GET4: variants seen among roughly 807,000 people sequenced by gnomAD.
GET4 encodes the protein Golgi to ER traffic protein 4 homolog.
In GET4, 20 loss-of-function variants were observed where a neutral mutation model predicts 40.0. The observed-to-expected ratio is 0.50, with a 90% CI of 0.35 to 0.73. The LOEUF (loss-of-function observed/expected upper bound fraction) is 0.73, where lower values mean the gene tolerates loss of function less well. GET4 is among the 30% of genes least tolerant of loss of function. The pLI is 0.01. For missense variants in GET4, 557 were observed against 454.0 expected (o/e 1.23, Z -2.06); for synonymous variants, 280 against 194.6 (o/e 1.44, Z -3.65).
intron 1 of GET4, 47 bp from the exon 2 acceptor site, chr7:886,009 G>A: frequency 9.0e-7 from 1 of 1,117,228 alleles, no homozygotes; most frequent in Non-Finnish European, 1.4e-6. Flanking sequence ...GGGGAGCGCG[G>A]TGGCGAGGGC....
At chr7:878,831 G>T (rs532254609) in intron 1 of GET4, among the ~76,000 whole-genome samples, 1 of 152,150 alleles carries the variant, frequency 6.6e-6, no homozygotes, top group Non-Finnish European at 1.5e-5. Context: ...CGCCCACCTC[G>T]GCCACCCAAA....
intron 1 of GET4, among the ~76,000 whole-genome samples, chr7:878,811 C>G (rs989733472): frequency 2.0e-5 from 3 of 152,204 alleles, no homozygotes; most frequent in African/African-American, 4.8e-5. Flanking sequence ...GAACTCCTGA[C>G]CTCGCGATCC....
Position 893,890 on chromosome 7 carries a change from G to A in GET4, c.823-9G>A. ...CACCCCCTCTGAGCCCGCTGCCTGTGCCTTGCAGTACCTCGACCGCATAGG... is the reference window on the plus strand; with the variant it reads ...CACCCCCTCTGAGCCCGCTGCCTGTACCTTGCAGTACCTCGACCGCATAGG... On this transcript the variant is annotated splice_polypyrimidine_tract_variant and intron_variant, in intron 7 of 8. Transcript: ENST00000265857. 2.5e-6 allele frequency: 4 copies of A among 1,612,474 alleles called. No homozygotes were observed. Among genetic ancestry groups the A allele is most frequent in the African/African-American group, 1.3e-5 (1 of 75,008 alleles).
Position 895,412 on chromosome 7 carries a change from A to G in GET4, c.974A>G (p.Glu325Gly), listed in dbSNP as rs756457591. The G allele has an allele frequency of 6.4e-7, 1 of 1,569,764 alleles. No homozygotes were observed. Among genetic ancestry groups the G allele is most frequent in the Non-Finnish European group, 8.8e-7 (1 of 1,141,692 alleles). The change falls in exon 9 of 9, where the codon GAG (glutamate) becomes GGG (glycine). Residue 325 changes from glutamate to glycine, a missense_variant. By Grantham distance (98) the Glu-to-Gly change is moderately conservative. Coordinates refer to ENST00000265857, the MANE Select transcript of GET4 (RefSeq NM_015949.3). ...EESPSDGSPI[E>G]LD ...AGCCCCAGCGACGGCAGCCCCATCG[A>G]GCTGGACTGAACTGGCCAGGCCACG...
In GET4 at chr7:893,534, CGTG is replaced by C. The variant is rs1248675774; in HGVS notation, c.747-199_747-197del. 1.6e-3 allele frequency among the ~76,000 whole-genome samples: 203 copies of C among 123,904 alleles called. 2 individuals are homozygous for C. Among genetic ancestry groups the C allele is most frequent in the Non-Finnish European group, 2.2e-3 (136 of 60,812 alleles). 81.3% of individuals were successfully genotyped at this position (123,904 alleles called of 152,430 possible). On this transcript the variant is annotated intron_variant, in intron 6 of 8. Transcript: ENST00000265857. ...GTTGCAGGTGAGTGTTGGGTGTAGGCGTGGTGGTGTGTGCAGGTGAGTGTTGGG... is the reference window on the plus strand; with the variant it reads ...GTTGCAGGTGAGTGTTGGGTGTAGGCGTGGTGTGTGCAGGTGAGTGTTGGG...
At chr7:887,011 G>C (rs1470219773) in intron 3 of GET4, 5 of 523,244 alleles carry the variant, frequency 9.6e-6, no homozygotes, top group Non-Finnish European at 1.8e-5. Flanking sequence ...GCCCTTCTGT[G>C]AGCTGCCTGG....
chr7:880,510 G>A (rs1051791531), intron 1 of GET4: 1 of 152,268 alleles, frequency 6.6e-6, no homozygotes, highest in Admixed American at 6.5e-5. Flanking sequence ...TGAAACGGGG[G>A]GTGATGAGCA....
intron 4 of GET4, among the ~76,000 whole-genome samples, chr7:888,797 A>T (rs959316870): frequency 3.9e-5 from 6 of 152,344 alleles, no homozygotes; most frequent in Non-Finnish European, 7.3e-5. Flanking sequence ...GGCCGCAGAC[A>T]ACCCTCCTGT....
chr7:892,987 G>T (rs1171984286), intron 6 of GET4, among the ~76,000 whole-genome samples: 1 of 151,262 alleles, frequency 6.6e-6, no homozygotes, highest in East Asian at 2.0e-4. Context: ...GCAGGTAAGT[G>T]TTGGGGGCGG....
Position 893,979 on chromosome 7 carries a change from G to A in GET4, c.895+8G>A, listed in dbSNP as rs200374080. The A allele has an allele frequency of 1.5e-4, 233 of 1,572,874 alleles. No individual in the cohort carries two copies. In the African/African-American group the frequency reaches 2.3e-3, roughly 15 times the overall value. ...CCTACGGGGGCCTGCTCGGTAAGCC[G>A]GGGCGCCCTTGTCACACCCACTCCA... On this transcript the variant is annotated splice_region_variant and intron_variant, in intron 8 of 8. Transcript: ENST00000265857.
Position 892,794 on chromosome 7 carries a change from C to T in GET4, c.746+376C>T, listed in dbSNP as rs192976111. Among the ~76,000 whole-genome samples the T allele has an allele frequency of 7.5e-5, 11 of 147,194 alleles. No homozygotes were observed. In the East Asian group the frequency reaches 1.2e-3, roughly 16 times the overall value. ...GTGTGGGGGTGTGTAGACGTGTATA[C>T]AGGTGTGAGTGCAGGTGTAGACGGC... is the stretch of plus-strand genomic sequence containing the variant. On this transcript the variant is annotated intron_variant, in intron 6 of 8. Coordinates refer to ENST00000265857, the MANE Select transcript of GET4 (RefSeq NM_015949.3).
In GET4 at chr7:876,645, G is replaced by A. The variant is rs1164743620; in HGVS notation, c.-1G>A. 8.7e-6 allele frequency: 11 copies of A among 1,266,258 alleles called. No homozygotes were observed. The highest frequency in any genetic ancestry group is 4.5e-5 in the Admixed American group (1 of 22,348). 78.4% of individuals were successfully genotyped at this position (1,266,258 alleles called of 1,614,324 possible). On this transcript the variant is annotated 5_prime_UTR_variant, in exon 1 of 9. Transcript: ENST00000265857. Reference sequence around the variant, plus strand: ...TCAGCCCTGCGCGGAGCGCCGGCCCGATGGCGGCGGCGGCGGCGATGGCCG... The same window carrying A: ...TCAGCCCTGCGCGGAGCGCCGGCCCAATGGCGGCGGCGGCGGCGATGGCCG...
chr7:883,955 C>T (rs1844136919), intron 1 of GET4: 1 of 1,057,446 alleles, frequency 9.5e-7, no homozygotes, highest in Admixed American at 5.2e-5. Context: ...TGCCCGGCTC[C>T]CAGCTGCCCA....
chr7:876,694 G>A lies in GET4; in HGVS notation c.49G>A (p.Gly17Ser). 1 of 1,352,166 alleles carries A rather than the reference G, an allele frequency of 7.4e-7. No individual in the cohort carries two copies. 83.8% of individuals were successfully genotyped at this position (1,352,166 alleles called of 1,614,324 possible). The part of the protein sequence containing the change: ...MAEQESARNG[G>S]RNRGGVQRVE... The stretch of plus-strand genomic sequence containing the variant: ...CGAGCAGGAGAGCGCCCGGAACGGC[G>A]GCCGCAACCGCGGCGGCGTCCAGCG... The change falls in exon 1 of 9, where the codon GGC becomes AGC. Residue 17 changes from glycine (G) to serine (S), a missense_variant. Physicochemically the swap from Gly to Ser is moderately conservative, Grantham distance 56. Coordinates refer to ENST00000265857, the MANE Select transcript of GET4 (RefSeq NM_015949.3).
chr7:880,528 C>T (rs1562892367), intron 1 of GET4: 1 of 152,234 alleles, frequency 6.6e-6, no homozygotes, highest in Non-Finnish European at 1.5e-5. Flanking sequence ...GCATTCTGCT[C>T]CCTTAAGCCC....
chr7:889,460 G>A (rs1023525072), intron 4 of GET4, among the ~76,000 whole-genome samples: 2 of 151,398 alleles, frequency 1.3e-5, no homozygotes, highest in Non-Finnish European at 2.9e-5. Flanking sequence ...GGAGACAGCA[G>A]GAGACAAAGC....
intron 4 of GET4, among the ~76,000 whole-genome samples, chr7:889,150 G>A (rs1562896096): frequency 6.6e-6 from 1 of 152,268 alleles, no homozygotes; most frequent in Admixed American, 6.5e-5. Flanking sequence ...TGCATGGGAG[G>A]GCTGCGCTCG....
chr7:883,898 C>T (rs1456187631), intron 1 of GET4: 7 of 1,033,398 alleles, frequency 6.8e-6, no homozygotes, highest in Non-Finnish European at 8.2e-6. Flanking sequence ...CCAGCCAGGC[C>T]GGGGACCACT....
At position 887,484 on chromosome 7, in the gene GET4, G is replaced by T; in HGVS notation, c.431G>T (p.Arg144Leu). 6.3e-7 allele frequency: 1 copy of T among 1,575,958 alleles called. No homozygotes were observed. Among genetic ancestry groups the T allele is most frequent in the Non-Finnish European group, 8.6e-7 (1 of 1,160,452 alleles). ...SGGSGKLGHP[R>L]LHQLLALTLW... ...GGCTCCGGGAAGCTGGGCCACCCCC[G>T]GCTGCACCAGCTGCTGGCCCTCACC... Residue 144 changes from arginine (R) to leucine (L), a missense_variant, in exon 4 of 9, where the codon CGG becomes CTG. Physicochemically the swap from Arg to Leu is moderately radical, Grantham distance 102. Transcript: ENST00000265857.
Sources: gnomAD v4.1 joint callset for allele counts (sites outside exome capture counted in the v4.1 genomes callset) on GRCh38, gnomAD v4.1.1 for gene constraint, MANE v1.5 for transcripts, NCBI Gene and HGNC (gene_info 2026-07-23, HGNC 2026-07-21) for gene names.